PKHD1: variants seen among roughly 807,000 people sequenced by gnomAD.
The protein encoded by PKHD1 is fibrocystin.
In PKHD1, 291 loss-of-function variants were observed where a neutral mutation model predicts 412.0. That is an observed-to-expected ratio of 0.71 (90% CI 0.64 to 0.78). The LOEUF (loss-of-function observed/expected upper bound fraction) is 0.78. Ranked by LOEUF, PKHD1 falls within the 30% of genes least tolerant of loss-of-function variation. The pLI is 0.00. For missense variants in PKHD1, 4,825 were observed against 4,950.7 expected (o/e 0.97, Z 0.76); for synonymous variants, 1,777 against 1,821.5 (o/e 0.98, Z 0.62).
chr6:52,032,874 T>A (rs144288288), intron 29 of PKHD1, among the ~76,000 whole-genome samples, 156 bp downstream of exon 29: 1 of 152,282 alleles, frequency 6.6e-6, no homozygotes, highest in East Asian at 1.9e-4. Context: ...TATCAGGAGA[T>A]TGATTCGATG....
intron 60 of PKHD1, among the ~76,000 whole-genome samples, chr6:51,676,263 A>AAT (rs1554190105): frequency 6.6e-6 from 1 of 150,444 alleles, no homozygotes; most frequent in Non-Finnish European, 1.5e-5. Context: ...AAAAAAAAAA[A>AAT]CTTCTATTCT....
chr6:52,048,602 C>A lies in PKHD1; in HGVS notation c.2297G>T (p.Gly766Val), dbSNP rs757772524. The A allele has an allele frequency of 1.2e-6, 2 of 1,614,036 alleles. No homozygotes were observed. The highest frequency in any genetic ancestry group is 1.7e-6 in the Non-Finnish European group (2 of 1,179,934). Reference protein sequence around the residue: ...LITARSVPTEGTEEGSGLVLV... With the variant: ...LITARSVPTEVTEEGSGLVLV... ...GACCAGTCCAGATCCCTCTTCTGTT[C>A]CTTCAGTGGGCACAGAGCTGTGGCA... The change falls in exon 23 of 67, where the codon GGA becomes GTA. Residue 766 changes from glycine (G) to valine (V), a missense_variant. Coordinates refer to ENST00000371117, the MANE Select transcript of PKHD1 (RefSeq NM_138694.4).
chr6:51,658,202 A>C (rs1391026441), intron 61 of PKHD1, among the ~76,000 whole-genome samples: 5 of 152,102 alleles, frequency 3.3e-5, no homozygotes, highest in African/African-American at 1.2e-4. Context: ...AGTACCTTTT[A>C]ATTTTAAGTT....
At position 51,871,519 on chromosome 6, in the gene PKHD1, C is replaced by A. The variant is rs1172937865; in HGVS notation, c.7351-880G>T. The stretch of plus-strand genomic sequence containing the variant: ...ATTAGTGATTGCCAGTGGTTTAAAG[C>A]AAGAGGAGGCTGTGGCTACAAAGAT... On this transcript the variant is annotated intron_variant, in intron 46 of 66. Transcript: ENST00000371117. 1.7e-5 allele frequency among the ~76,000 whole-genome samples: 2 copies of A among 117,276 alleles called. 1 individual carries two copies. The highest frequency in any genetic ancestry group is 4.2e-5 in the Non-Finnish European group (2 of 47,356). 76.9% of individuals were successfully genotyped at this position (117,276 alleles called of 152,430 possible).
intron 22 of PKHD1, among the ~76,000 whole-genome samples, chr6:52,049,078 A>T (rs1180537664): frequency 6.6e-6 from 1 of 152,212 alleles, no homozygotes; most frequent in Non-Finnish European, 1.5e-5. Flanking sequence ...AGAGAAAGAA[A>T]CCTATACAGT....
chr6:51,849,675 G>T (rs992187601), intron 49 of PKHD1, among the ~76,000 whole-genome samples: 4 of 151,956 alleles, frequency 2.6e-5, no homozygotes, highest in Non-Finnish European at 5.9e-5. Context: ...ATGTTTGTTG[G>T]CCGCGTAAAT....
At chr6:51,787,094 C>T (rs1225693461) in intron 53 of PKHD1, among the ~76,000 whole-genome samples, 1 of 152,200 alleles carries the variant, frequency 6.6e-6, no homozygotes, top group East Asian at 1.9e-4. Flanking sequence ...GGCATGGTGG[C>T]TCATGCCTAT....
At position 51,808,247 on chromosome 6, in the gene PKHD1, T is replaced by G. The variant is rs573651315; in HGVS notation, c.8303-16874A>C. On this transcript the variant is annotated intron_variant, in intron 52 of 66. Coordinates refer to ENST00000371117, the MANE Select transcript of PKHD1 (RefSeq NM_138694.4). ...GAATAAAAATAAATGTAGTGTGTGTTTTTTTTAATTTTTGCATATGCAGCA... is the reference window on the plus strand; with the variant it reads ...GAATAAAAATAAATGTAGTGTGTGTGTTTTTTAATTTTTGCATATGCAGCA... Among the ~76,000 whole-genome samples the G allele has an allele frequency of 5.3e-5, 8 of 152,192 alleles. No individual in the cohort carries two copies. In the South Asian group the frequency reaches 1.2e-3, roughly 24 times the overall value.
chr6:51,814,219 G>T (rs1765113511), intron 52 of PKHD1, among the ~76,000 whole-genome samples: 1 of 152,236 alleles, frequency 6.6e-6, no homozygotes, highest in East Asian at 1.9e-4. Flanking sequence ...AATTCATTCA[G>T]ACTTGCAAGA....
chr6:51,622,640 T>C (rs573180898), intron 66 of PKHD1: 1 of 152,312 alleles, frequency 6.6e-6, no homozygotes, highest in East Asian at 1.9e-4. Flanking sequence ...TGTATGACAA[T>C]TGAGGAGGCA....
chr6:52,043,180 G>A, intron 26 of PKHD1, 46 bp from the exon 27 acceptor site: 1 of 1,442,584 alleles, frequency 6.9e-7, no homozygotes, highest in Non-Finnish European at 9.6e-7. Context: ...TAATCTCTCA[G>A]TGATATTACT....
At chr6:52,047,626 G>C (rs960317906) in intron 23 of PKHD1, among the ~76,000 whole-genome samples, 1 of 152,162 alleles carries the variant, frequency 6.6e-6, no homozygotes, top group African/African-American at 2.4e-5. Flanking sequence ...ATCCTCCATA[G>C]TACATGGTGT....
intron 52 of PKHD1, among the ~76,000 whole-genome samples, chr6:51,814,876 T>C (rs540913316): frequency 6.6e-6 from 1 of 151,990 alleles, no homozygotes; most frequent in Non-Finnish European, 1.5e-5. Context: ...TTGCATCTTC[T>C]TACCTGCAGG....
chr6:52,015,151 A>T (rs759290876), intron 34 of PKHD1, among the ~76,000 whole-genome samples: 2 of 152,216 alleles, frequency 1.3e-5, no homozygotes, highest in Non-Finnish European at 2.9e-5. Context: ...TATATTATAA[A>T]TATTTCCCTG....
At chr6:51,943,063 T>G (rs1035864170) in intron 36 of PKHD1, among the ~76,000 whole-genome samples, 3 of 151,608 alleles carry the variant, frequency 2.0e-5, no homozygotes, top group Admixed American at 2.0e-4. Flanking sequence ...ATTTCTTCCC[T>G]TCTGTCAGAC....
At position 51,649,232 on chromosome 6, in the gene PKHD1, A is replaced by C. The variant is rs1424171216; in HGVS notation, c.11175-12T>G. Reference sequence around the variant, plus strand: ...AACTGCTTGTATTTCTGACAGATATAAAAACAAACAAAATACATCCTTAGG... The same window carrying C: ...AACTGCTTGTATTTCTGACAGATATCAAAACAAACAAAATACATCCTTAGG... On this transcript the variant is annotated splice_polypyrimidine_tract_variant and intron_variant, in intron 61 of 66. Transcript: ENST00000371117. 2 of 1,593,892 alleles carry C rather than the reference A, an allele frequency of 1.3e-6. No individual in the cohort carries two copies. Among genetic ancestry groups the C allele is most frequent in the Non-Finnish European group, 1.7e-6 (2 of 1,162,206 alleles).
intron 34 of PKHD1, among the ~76,000 whole-genome samples, chr6:52,010,986 C>G (rs572994550): frequency 6.9e-4 from 105 of 152,222 alleles, no homozygotes; most frequent in Middle Eastern, 3.4e-3. Context: ...TTTAGGCTTG[C>G]AATTCCCCCT....
rs973294574 is a variant in PKHD1, at chr6:52,057,606, G to A, written c.1513-627C>T. Among the ~76,000 whole-genome samples the A allele has an allele frequency of 6.6e-5, 10 of 152,130 alleles. No individual in the cohort carries two copies. In the South Asian group the frequency reaches 1.4e-3, roughly 22 times the overall value. ...TAATTTTTGTATTTTTAGTAGAGAT[G>A]GGGTTTCATCATGTTGGCCAGGATG... is the stretch of plus-strand genomic sequence containing the variant. On this transcript the variant is annotated intron_variant, in intron 16 of 66. Coordinates refer to ENST00000371117, the MANE Select transcript of PKHD1 (RefSeq NM_138694.4).
chr6:52,027,106 G>A (rs991540703), intron 31 of PKHD1, among the ~76,000 whole-genome samples: 12 of 152,204 alleles, frequency 7.9e-5, no homozygotes, highest in East Asian at 1.9e-4. Flanking sequence ...GTGAAGACCC[G>A]CAGATTCAAT....
Sources: gnomAD v4.1 joint callset for allele counts (sites outside exome capture counted in the v4.1 genomes callset) on GRCh38, gnomAD v4.1.1 for gene constraint, MANE v1.5 for transcripts, NCBI Gene and HGNC (gene_info 2026-07-23, HGNC 2026-07-21) for gene names.